Variants in GREM2 observed in about 807,000 individuals in gnomAD.
The protein encoded by GREM2 is gremlin 2, DAN family BMP antagonist.
A neutral mutation model predicts 14.2 loss-of-function variants in GREM2; 11 were observed. That is an observed-to-expected ratio of 0.78 (90% CI 0.49 to 1.28). GREM2 has a LOEUF of 1.28. Among genes scored for constraint, GREM2 ranks in the 50% most tolerant of loss-of-function variants. The pLI is 0.00. For missense variants in GREM2, 210 were observed against 218.5 expected, an observed-to-expected ratio of 0.96 and a Z score of 0.24; for synonymous variants, 98 against 97.6, an observed-to-expected ratio of 1.00 and a Z score of -0.02.
At chr1:240,590,130 A>G (rs558909863) in intron 1 of GREM2, among the ~76,000 whole-genome samples, 4 of 152,326 alleles carry the variant, frequency 2.6e-5, no homozygotes, top group Non-Finnish European at 5.9e-5. Context: ...TCATAACTAC[A>G]GCTGTATTTT....
At chr1:240,564,415 G>C (rs1028310061) in intron 1 of GREM2, among the ~76,000 whole-genome samples, 1 of 151,328 alleles carries the variant, frequency 6.6e-6, no homozygotes, top group East Asian at 2.0e-4. Flanking sequence ...GGCTGAAGCA[G>C]GAGGATCACT....
intron 1 of GREM2, among the ~76,000 whole-genome samples, chr1:240,515,091 C>G (rs1572375438): frequency 6.6e-6 from 1 of 152,192 alleles, no homozygotes; most frequent in East Asian, 1.9e-4. Flanking sequence ...ATAAGCAAGA[C>G]TTTCTGGAGA....
chr1:240,559,019 A>G (rs1678995352), intron 1 of GREM2, among the ~76,000 whole-genome samples: 1 of 152,176 alleles, frequency 6.6e-6, no homozygotes, highest in African/African-American at 2.4e-5. Context: ...GTGGCCTCCC[A>G]CATACAGATT....
intron 1 of GREM2, among the ~76,000 whole-genome samples, chr1:240,575,038 C>T (rs1309971765): frequency 2.6e-5 from 4 of 151,708 alleles, no homozygotes; most frequent in Admixed American, 1.3e-4. Context: ...ACGTGGGAGG[C>T]GGAGGCTGCA....
At chr1:240,531,566 G>A in intron 1 of GREM2, 1 of 835,786 alleles carries the variant, frequency 1.2e-6, no homozygotes, top group Non-Finnish European at 1.4e-6. Flanking sequence ...CCCAAACAAA[G>A]GAAATTAGGG....
At chr1:240,511,961 C>T (rs1051435032) in intron 1 of GREM2, among the ~76,000 whole-genome samples, 1 of 152,158 alleles carries the variant, frequency 6.6e-6, no homozygotes, top group Admixed American at 6.5e-5. Flanking sequence ...TTCAAAACTC[C>T]AGACCAGGCC....
chr1:240,546,823 A>G (rs1678733834), intron 1 of GREM2, among the ~76,000 whole-genome samples: 1 of 152,206 alleles, frequency 6.6e-6, no homozygotes, highest in Non-Finnish European at 1.5e-5. Flanking sequence ...AGCATCTTAC[A>G]TGTCAGTAAC....
chr1:240,557,447 T>A (rs1678970572), intron 1 of GREM2, among the ~76,000 whole-genome samples: 1 of 151,996 alleles, frequency 6.6e-6, no homozygotes, highest in Non-Finnish European at 1.5e-5. Context: ...ATAGTTTTTG[T>A]ACAAAGAACC....
chr1:240,598,624 G>A (rs1679863985), intron 1 of GREM2, among the ~76,000 whole-genome samples: 1 of 152,100 alleles, frequency 6.6e-6, no homozygotes, highest in African/African-American at 2.4e-5. Flanking sequence ...AAAAGAACTT[G>A]GTATTAGGAG....
At chr1:240,564,569 A>G (rs536582279) in intron 1 of GREM2, among the ~76,000 whole-genome samples, 11 of 152,070 alleles carry the variant, frequency 7.2e-5, no homozygotes, top group African/African-American at 2.4e-4. Context: ...AAGAGAGATG[A>G]TGATTTTAAG....
intron 1 of GREM2, among the ~76,000 whole-genome samples, chr1:240,500,231 T>C (rs1055621963): frequency 6.6e-6 from 1 of 152,204 alleles, no homozygotes; most frequent in African/African-American, 2.4e-5. Context: ...AAAGTTGGTA[T>C]TCGTCGTTCC....
chr1:240,495,761 A>G (rs943966964), intron 1 of GREM2, among the ~76,000 whole-genome samples: 1 of 152,100 alleles, frequency 6.6e-6, no homozygotes. Context: ...TATCTATGCT[A>G]AAATTATTTC....
At chr1:240,520,082 A>AAAAAAT (rs1553273673) in intron 1 of GREM2, among the ~76,000 whole-genome samples, 7 of 144,334 alleles carry the variant, frequency 4.8e-5, no homozygotes, top group Admixed American at 2.7e-4. Context: ...CTCCATCCCA[A>AAAAAAT]AAAATAAAAT....
At chr1:240,498,202 CA>C (rs1333941441) in intron 1 of GREM2, among the ~76,000 whole-genome samples, 1 of 152,142 alleles carries the variant, frequency 6.6e-6, no homozygotes, top group African/African-American at 2.4e-5. Context: ...AACATGTTTT[CA>C]AAACATCTGG....
intron 1 of GREM2, among the ~76,000 whole-genome samples, chr1:240,585,508 T>A (rs181502784): frequency 6.6e-6 from 1 of 151,784 alleles, no homozygotes; most frequent in Admixed American, 6.6e-5. Context: ...GGTGGGAGGA[T>A]CACTTGAGGT....
intron 1 of GREM2, among the ~76,000 whole-genome samples, chr1:240,526,039 C>T (rs1439468942): frequency 6.6e-6 from 1 of 152,212 alleles, no homozygotes; most frequent in Non-Finnish European, 1.5e-5. Flanking sequence ...AAGAAACGTA[C>T]TCCTGCTTTA....
chr1:240,600,093 T>A (rs1410668591), intron 1 of GREM2, among the ~76,000 whole-genome samples: 1 of 151,736 alleles, frequency 6.6e-6, no homozygotes, highest in African/African-American at 2.4e-5. Context: ...CAAAAGGGAG[T>A]ATGGTGTAGT....
chr1:240,600,050 C>T (rs374331635), intron 1 of GREM2, among the ~76,000 whole-genome samples: 3 of 152,064 alleles, frequency 2.0e-5, no homozygotes, highest in Non-Finnish European at 4.4e-5. Context: ...CTTCATGTAC[C>T]GTTGGTTTAG....
At chr1:240,510,249 A>T (rs373787190) in intron 1 of GREM2, among the ~76,000 whole-genome samples, 16 of 151,788 alleles carry the variant, frequency 1.1e-4, no homozygotes, top group Non-Finnish European at 4.4e-5. Flanking sequence ...GGGCGCCTGT[A>T]GTCCCAGCTA....
Sources: gnomAD v4.1 joint callset for allele counts (sites outside exome capture counted in the v4.1 genomes callset) on GRCh38, gnomAD v4.1.1 for gene constraint, MANE v1.5 for transcripts, NCBI Gene and HGNC (gene_info 2026-07-23, HGNC 2026-07-21) for gene names.